TFCP2L1: variants seen among roughly 807,000 people sequenced by gnomAD.
The protein encoded by TFCP2L1 is transcription factor CP2 like 1, also known as transcription factor CP2-like protein 1.
A neutral mutation model predicts 72.2 loss-of-function variants in TFCP2L1; 12 were observed. That is an observed-to-expected ratio of 0.17 (90% confidence interval 0.11 to 0.27). The LOEUF (loss-of-function observed/expected upper bound fraction) is 0.27, where lower values mean the gene tolerates loss of function less well. TFCP2L1 is among the 10% of genes least tolerant of loss of function. The pLI, the probability that TFCP2L1 is intolerant of heterozygous loss-of-function variation, is 1.00. For synonymous variants in TFCP2L1, 260 were observed against 251.0 expected, an observed-to-expected ratio of 1.04 and a Z score of -0.34; for missense variants, 488 against 624.6, an observed-to-expected ratio of 0.78 and a Z score of 2.33.
intron 2 of TFCP2L1, among the ~76,000 whole-genome samples, chr2:121,265,914 G>A (rs1272876717): frequency 2.0e-5 from 3 of 148,372 alleles, no homozygotes; most frequent in Admixed American, 6.8e-5. Flanking sequence ...GGCCCAGGCT[G>A]AAGTGCAGTG....
Position 121,285,094 on chromosome 2 carries a change from T to A in TFCP2L1, c.16A>T (p.Thr6Ser). MLFWH[T>S]QPEHYNQHNS... Reference sequence around the variant, plus strand: ...TGCTGGTTGTAGTGCTCGGGCTGCGTGTGCCAGAAGAGCATGGCTGGAACT... The same window carrying A: ...TGCTGGTTGTAGTGCTCGGGCTGCGAGTGCCAGAAGAGCATGGCTGGAACT... The change falls in exon 1 of 15, where the codon ACG becomes TCG. Residue 6 changes from threonine (T) to serine (S), a missense_variant. Thr to Ser is a moderately conservative substitution (Grantham distance 58, BLOSUM62 1). Transcript: ENST00000263707. The A allele has an allele frequency of 6.6e-7, 1 of 1,523,000 alleles. No homozygotes were observed. Among genetic ancestry groups the A allele is most frequent in the Non-Finnish European group, 8.8e-7 (1 of 1,137,308 alleles). The allele number at this position is 1,523,000 out of a possible 1,614,324, so 94.3% of individuals were successfully genotyped here. A position where few individuals can be genotyped will look rare whatever the true frequency, so the allele number is the denominator to read the frequency against.
chr2:121,283,859 C>T (rs1032845241), intron 1 of TFCP2L1, among the ~76,000 whole-genome samples: 27 of 152,228 alleles, frequency 1.8e-4, no homozygotes, highest in Non-Finnish European at 5.9e-5. Context: ...GGGTGATTAA[C>T]ATCTCCTCCT....
intron 2 of TFCP2L1, among the ~76,000 whole-genome samples, chr2:121,256,557 A>T (rs930074736): frequency 2.0e-5 from 3 of 152,004 alleles, no homozygotes; most frequent in Non-Finnish European, 2.9e-5. Flanking sequence ...GTGGGAGATC[A>T]CCTGAAGCCA....
At chr2:121,226,269 A>G (rs1166262457) in intron 13 of TFCP2L1, among the ~76,000 whole-genome samples, 4 of 151,926 alleles carry the variant, frequency 2.6e-5, no homozygotes, top group South Asian at 4.2e-4. Context: ...CATGATTGCA[A>G]TTTAAGTAAC....
chr2:121,224,019 T>C lies in TFCP2L1; in HGVS notation c.*322A>G. Reference sequence around the variant, plus strand: ...CCAAGATACCCAATCAGCTTCCAACTAAGGGATGAGGGATTTCAGAGCAGA... The same window carrying C: ...CCAAGATACCCAATCAGCTTCCAACCAAGGGATGAGGGATTTCAGAGCAGA... On this transcript the variant is annotated 3_prime_UTR_variant, in exon 15 of 15. Transcript: ENST00000263707. 3 of 374,262 alleles carry C rather than the reference T, an allele frequency of 8.0e-6. No individual in the cohort carries two copies. The highest frequency in any genetic ancestry group is 9.8e-6 in the Non-Finnish European group (2 of 204,078). 23.2% of individuals were successfully genotyped at this position (374,262 alleles called of 1,614,324 possible). A position where few individuals can be genotyped will look rare whatever the true frequency, so the allele number is the denominator to read the frequency against.
chr2:121,245,824 A>G (rs1177326626), intron 6 of TFCP2L1, among the ~76,000 whole-genome samples: 2 of 152,160 alleles, frequency 1.3e-5, no homozygotes, highest in Non-Finnish European at 2.9e-5. Flanking sequence ...CATCCGTTCC[A>G]AGCATGGGTC....
At chr2:121,249,453 T>C in intron 3 of TFCP2L1, 118 bp downstream of exon 3, 1 of 914,004 alleles carries the variant, frequency 1.1e-6, no homozygotes. Flanking sequence ...AGGGCTGAGC[T>C]GAACCCGGCC....
chr2:121,284,975 G>T, intron 1 of TFCP2L1, 73 bp downstream of exon 1: 1 of 1,334,410 alleles, frequency 7.5e-7, no homozygotes, highest in Non-Finnish European at 9.7e-7. Flanking sequence ...CCCCCTCTCC[G>T]CCCCTGGACG....
intron 2 of TFCP2L1, among the ~76,000 whole-genome samples, chr2:121,262,751 C>G (rs1397874985): frequency 6.6e-6 from 1 of 152,126 alleles, no homozygotes; most frequent in African/African-American, 2.4e-5. Context: ...ACAGGGTACC[C>G]AGAAGTCTCA....
chr2:121,275,729 C>T (rs1388753856), intron 2 of TFCP2L1, among the ~76,000 whole-genome samples: 2 of 152,024 alleles, frequency 1.3e-5, no homozygotes, highest in African/African-American at 4.8e-5. Flanking sequence ...CGCCATCACG[C>T]CCAGCTGATT....
intron 2 of TFCP2L1, among the ~76,000 whole-genome samples, chr2:121,255,774 G>A (rs866683763): frequency 6.7e-6 from 1 of 148,522 alleles, no homozygotes; most frequent in Non-Finnish European, 1.5e-5. Context: ...ACGGAATCTC[G>A]CTCTGTCGCC....
At chr2:121,268,557 C>A (rs1686980115) in intron 2 of TFCP2L1, among the ~76,000 whole-genome samples, 1 of 151,828 alleles carries the variant, frequency 6.6e-6, no homozygotes, top group African/African-American at 2.4e-5. Context: ...ATAAAGTATC[C>A]CTATATGGCA....
intron 13 of TFCP2L1, among the ~76,000 whole-genome samples, chr2:121,228,817 A>G (rs1686084995): frequency 6.7e-6 from 1 of 149,202 alleles, no homozygotes; most frequent in African/African-American, 2.4e-5. Flanking sequence ...ATTTGAATGT[A>G]ATAATATAAA....
At chr2:121,267,578 C>T (rs769456851) in intron 2 of TFCP2L1, among the ~76,000 whole-genome samples, 3 of 151,930 alleles carry the variant, frequency 2.0e-5, no homozygotes, top group South Asian at 2.1e-4. Context: ...ACTGCAATCT[C>T]CGCCTCCCGG....
In TFCP2L1 at chr2:121,281,180, A is replaced by C; in HGVS notation, c.154T>G (p.Cys52Gly). 5.0e-6 allele frequency: 8 copies of C among 1,613,150 alleles called. No homozygotes were observed. The highest frequency in any genetic ancestry group is 6.8e-6 in the Non-Finnish European group (8 of 1,179,912). ...ARLPPLQYVL[C>G]AATSPAVKLH... ...TTCACGGCTGGGGACGTGGCAGCAC[A>C]CAACACATATTGCAGGGGTGGCAGG... The change falls in exon 2 of 15, where the codon TGT becomes GGT. Residue 52 changes from cysteine (C) to glycine (G), a missense_variant. Cys to Gly is a radical substitution (Grantham distance 159). Transcript: ENST00000263707.
Position 121,219,204 on chromosome 2 carries a change from T to C in TFCP2L1, c.*5137A>G. The C allele has an allele frequency of 6.6e-6, 1 of 152,220 alleles. No individual in the cohort carries two copies. The highest frequency in any genetic ancestry group is 1.5e-5 in the Non-Finnish European group (1 of 68,078). 9.4% of individuals were successfully genotyped at this position (152,220 alleles called of 1,614,324 possible). A position where few individuals can be genotyped will look rare whatever the true frequency, so the allele number is the denominator to read the frequency against. On this transcript the variant is annotated 3_prime_UTR_variant, in exon 15 of 15. Coordinates refer to ENST00000263707, the MANE Select transcript of TFCP2L1 (RefSeq NM_014553.3). ...CCAGCTTCATCCACTCTCCAGGAGG[T>C]CACACAAGATCAAAAGAGGATCATC...
In TFCP2L1 at chr2:121,275,996, A is replaced by G. The variant is rs1185159055; in HGVS notation, c.214+5124T>C. Among the ~76,000 whole-genome samples, 3 of 152,264 alleles carry G rather than the reference A, an allele frequency of 2.0e-5. No homozygotes were observed. The East Asian group carries it at 5.8e-4, about 29-fold the overall frequency. On this transcript the variant is annotated intron_variant, in intron 2 of 14. Coordinates refer to ENST00000263707, the MANE Select transcript of TFCP2L1 (RefSeq NM_014553.3). ...TTTCTAAGCTACAAAAATTAGTTCA[A>G]TGAGGAATTCGGCAAGAACATCAGC...
chr2:121,249,711 CT>C, intron 2 of TFCP2L1, 64 bp from the exon 3 acceptor site: 4 of 1,552,436 alleles, frequency 2.6e-6, no homozygotes, highest in Non-Finnish European at 3.6e-6. Flanking sequence ...GTTCATTCAG[CT>C]AGCAGCCTTC....
chr2:121,280,661 T>G (rs1283215633), intron 2 of TFCP2L1, among the ~76,000 whole-genome samples: 1 of 150,892 alleles, frequency 6.6e-6, no homozygotes, highest in Non-Finnish European at 1.5e-5. Context: ...CTTGGGAGGT[T>G]AAGGTGGGAG....
Sources: gnomAD v4.1 joint callset for allele counts (sites outside exome capture counted in the v4.1 genomes callset) on GRCh38, gnomAD v4.1.1 for gene constraint, MANE v1.5 for transcripts, NCBI Gene and HGNC (gene_info 2026-07-23, HGNC 2026-07-21) for gene names.